Variants in DNAH12 observed in about 807,000 individuals in gnomAD.
DNAH12 encodes dynein axonemal heavy chain 12.
In DNAH12, 285 loss-of-function variants were observed where a neutral mutation model predicts 371.5. That is an observed-to-expected ratio of 0.77 (90% CI 0.70 to 0.85). The LOEUF is 0.85. DNAH12 is among the 40% of genes least tolerant of loss of function. The probability of loss-of-function intolerance (pLI) is 0.00; values close to 1 mark genes in which losing one functional copy is unlikely to be tolerated. For missense variants in DNAH12, 3,611 were observed against 3,689.4 expected (o/e 0.98, Z 0.55); for synonymous variants, 1,200 against 1,213.0 (o/e 0.99, Z 0.22).
At position 57,432,403 on chromosome 3, in the gene DNAH12, CT is replaced by C. The variant is rs1458048216; in HGVS notation, c.4980+963del. Among the ~76,000 whole-genome samples the C allele has an allele frequency of 2.7e-5, 4 of 150,258 alleles. No homozygotes were observed. The South Asian group carries it at 8.4e-4, about 32-fold the overall frequency. ...CCATGTTGCTCAGGCTGGTCTCGAA[CT>C]CCTGACCTCAAATGATCCACCTGCC... On this transcript the variant is annotated intron_variant, in intron 32 of 73. Coordinates refer to ENST00000495027, the MANE Select transcript of DNAH12 (RefSeq NM_001366028.2).
At chr3:57,514,001 G>T (rs1417804903) in intron 4 of DNAH12, among the ~76,000 whole-genome samples, 1 of 152,188 alleles carries the variant, frequency 6.6e-6, no homozygotes, top group Non-Finnish European at 1.5e-5. Context: ...TTTAAGAGTG[G>T]CTGATGCATA....
chr3:57,517,411 A>C (rs1425481189), intron 4 of DNAH12, among the ~76,000 whole-genome samples: 1 of 152,266 alleles, frequency 6.6e-6, no homozygotes, highest in East Asian at 1.9e-4. Flanking sequence ...TAAATTATAC[A>C]GACAAAGATG....
At chr3:57,307,943 G>A (rs2061506154) in intron 69 of DNAH12, among the ~76,000 whole-genome samples, 1 of 152,160 alleles carries the variant, frequency 6.6e-6, no homozygotes, top group Non-Finnish European at 1.5e-5. Context: ...CTGCCTCTTA[G>A]AACCTCTCAT....
chr3:57,341,226 T>C (rs925595524), intron 60 of DNAH12, among the ~76,000 whole-genome samples: 1 of 152,102 alleles, frequency 6.6e-6, no homozygotes, highest in East Asian at 1.9e-4. Flanking sequence ...TTCAACATAT[T>C]AATAGTACTG....
chr3:57,391,478 G>T (rs1478475584), intron 45 of DNAH12, among the ~76,000 whole-genome samples: 6 of 152,018 alleles, frequency 3.9e-5, no homozygotes, highest in African/African-American at 1.2e-4. Context: ...GACTTTTTAG[G>T]CTTCATAATC....
chr3:57,352,813 G>A (rs1056513415), intron 59 of DNAH12, among the ~76,000 whole-genome samples: 9 of 152,106 alleles, frequency 5.9e-5, no homozygotes, highest in Non-Finnish European at 1.3e-4. Flanking sequence ...AAAAGGTCAG[G>A]CGCAGTGTCT....
intron 47 of DNAH12, among the ~76,000 whole-genome samples, chr3:57,385,738 C>T: frequency 6.6e-6 from 1 of 152,052 alleles, no homozygotes; most frequent in Non-Finnish European, 1.5e-5. Flanking sequence ...AAATATTTGC[C>T]AGGCGTGGCA....
In DNAH12 at chr3:57,393,360, G is replaced by A. The variant is rs899477157; in HGVS notation, c.7110+811C>T. Among the ~76,000 whole-genome samples the A allele has an allele frequency of 1.5e-4, 23 of 152,174 alleles. No homozygotes were observed. In the East Asian group the frequency reaches 4.3e-3, roughly 28 times the overall value. ...AGGTCTAAAGTGGCCGGGCGAGGTG[G>A]CTCACGCCTGTAATCCCAGCACTTT... On this transcript the variant is annotated intron_variant, in intron 44 of 73. Transcript: ENST00000495027.
At chr3:57,349,780 C>T (rs1553659525) in intron 60 of DNAH12, among the ~76,000 whole-genome samples, 2 of 152,204 alleles carry the variant, frequency 1.3e-5, no homozygotes, top group Non-Finnish European at 2.9e-5. Context: ...ACCTTTGCCT[C>T]CAGGGCTCAA....
chr3:57,503,666 C>T (rs990874263), intron 9 of DNAH12, among the ~76,000 whole-genome samples: 44 of 152,194 alleles, frequency 2.9e-4, no homozygotes, highest in African/African-American at 9.9e-4. Flanking sequence ...GGATTACAGG[C>T]GTGAGGCACT....
chr3:57,337,765 TACA>T (rs1188877508), intron 60 of DNAH12, among the ~76,000 whole-genome samples: 1 of 152,096 alleles, frequency 6.6e-6, no homozygotes, highest in Non-Finnish European at 1.5e-5. Flanking sequence ...TACACCCCAA[TACA>T]ACAACAGTTG....
At chr3:57,553,999 A>G in the DNAH12 span, among the ~76,000 whole-genome samples, 1 of 151,544 alleles carries the variant, frequency 6.6e-6, no homozygotes, top group Non-Finnish European at 1.5e-5. Context: ...TAATTTTTGT[A>G]TTTTTAGTAG....
chr3:57,468,834 T>C lies in DNAH12; in HGVS notation c.2251A>G (p.Lys751Glu). The C allele has an allele frequency of 6.5e-7, 1 of 1,533,574 alleles. No individual in the cohort carries two copies. 95.0% of individuals were successfully genotyped at this position (1,533,574 alleles called of 1,614,324 possible). Residue 751 changes from lysine (K) to glutamate (E), a missense_variant, in exon 17 of 74, where the codon AAA becomes GAA. By Grantham distance (56) the Lys-to-Glu change is moderately conservative. Transcript: ENST00000495027. The stretch of plus-strand genomic sequence containing the variant: ...ATTTTCTCTTCTTCCAAAGACCGTT[T>C]TCTTGCTGCCTTTCTTTTTTCTTGT... ...ELQEKRKAAR[K>E]RSLEEEKIEE...
rs2061712188 is a variant in DNAH12, at chr3:57,317,526, ATGTT to A, written c.10525-2899_10525-2896del. Among the ~76,000 whole-genome samples, 8 of 152,158 alleles carry A rather than the reference ATGTT, an allele frequency of 5.3e-5. No homozygotes were observed. In the South Asian group the frequency reaches 1.7e-3, roughly 32 times the overall value. On this transcript the variant is annotated intron_variant, in intron 65 of 73. Transcript: ENST00000495027. Reference sequence around the variant, plus strand: ...AGGATAATGTCTTCAAGTTTTATCCATGTTGTCATATATGGCAGTATTTTCTTCT... The same window carrying A: ...AGGATAATGTCTTCAAGTTTTATCCAGTCATATATGGCAGTATTTTCTTCT...
chr3:57,489,691 GA>G lies in DNAH12; in HGVS notation c.1336-5del. 3.4e-6 allele frequency: 5 copies of G among 1,492,064 alleles called. No homozygotes were observed. Among genetic ancestry groups the G allele is most frequent in the Admixed American group, 3.0e-5 (1 of 33,170 alleles). 92.4% of individuals were successfully genotyped at this position (1,492,064 alleles called of 1,614,324 possible). A position where few individuals can be genotyped will look rare whatever the true frequency, so the allele number is the denominator to read the frequency against. On this transcript the variant is annotated splice_region_variant and splice_polypyrimidine_tract_variant and intron_variant, in intron 11 of 73. Coordinates refer to ENST00000495027, the MANE Select transcript of DNAH12 (RefSeq NM_001366028.2). ...GACTGAGAAATTTTTCTATAAACTT[GA>G]AAAAAAGTGTTCAAATGAAAAAAAA...
chr3:57,357,027 G>A (rs1251347359), intron 59 of DNAH12, 149 bp downstream of exon 59: 1 of 152,232 alleles, frequency 6.6e-6, no homozygotes, highest in Non-Finnish European at 1.5e-5. Context: ...ACAGGTGTGA[G>A]CCACCGCACC....
In DNAH12 at chr3:57,531,767, CAA is replaced by C. The variant is rs35142998; in HGVS notation, c.171-7885_171-7884del. Among the ~76,000 whole-genome samples the C allele has an allele frequency of 8.4e-3, 424 of 50,216 alleles. 1 individual carries two copies. Among genetic ancestry groups the C allele is most frequent in the African/African-American group, 0.016 (229 of 14,090 alleles). 32.9% of individuals were successfully genotyped at this position (50,216 alleles called of 152,430 possible). A position where few individuals can be genotyped will look rare whatever the true frequency, so the allele number is the denominator to read the frequency against. On this transcript the variant is annotated intron_variant, in intron 2 of 73. Transcript: ENST00000495027. ...GACAGAGCAAGACTCCACTCCATCT[CAA>C]AAAAAAAAAAAAAAAAAAAAAAGCC...
At chr3:57,348,816 ACTC>A (rs1413547581) in intron 60 of DNAH12, among the ~76,000 whole-genome samples, 1 of 152,094 alleles carries the variant, frequency 6.6e-6, no homozygotes, top group Non-Finnish European at 1.5e-5. Context: ...GTTCCAATGC[ACTC>A]CTCATCAAAA....
At position 57,352,220 on chromosome 3, in the gene DNAH12, T is replaced by G. The variant is rs1361725051; in HGVS notation, c.9539A>C (p.Lys3180Thr). 17 of 1,530,458 alleles carry G rather than the reference T, an allele frequency of 1.1e-5. No individual in the cohort carries two copies. In the Admixed American group the frequency reaches 3.9e-4, roughly 35 times the overall value. 94.8% of individuals were successfully genotyped at this position (1,530,458 alleles called of 1,614,324 possible). The change falls in exon 60 of 74, where the codon AAA becomes ACA. Residue 3180 changes from lysine (K) to threonine (T), a missense_variant. By Grantham distance (78) the Lys-to-Thr change is moderately conservative. Around this residue, in one of 3 missense-constraint regions of DNAH12, gnomAD observed 2,266 missense variants for 2,236.9 expected, o/e 1.01. Coordinates refer to ENST00000495027, the MANE Select transcript of DNAH12 (RefSeq NM_001366028.2). ...TAGGCGCTTTTCCAAAATCTTGGAT[T>G]TGTTACTAAAGTTAAAAAGAAGGAA... is the stretch of plus-strand genomic sequence containing the variant. ...LYINSIHDSN[K>T]SKILEKRLRY...
Sources: allele counts gnomAD v4.1 joint callset (sites outside exome capture counted in the v4.1 genomes callset), GRCh38; gene constraint gnomAD v4.1.1; regional missense constraint gnomAD v4.1.1; transcripts MANE v1.5; gene names NCBI Gene and HGNC (gene_info 2026-07-23, HGNC 2026-07-21).